EPB41L2: variants seen among roughly 807,000 people sequenced by gnomAD.
The protein encoded by EPB41L2 is band 4.1-like protein 2.
EPB41L2 carries 43 observed loss-of-function variants against 113.0 expected under a neutral mutation model. The observed-to-expected ratio is 0.38, with a 90% CI of 0.30 to 0.49. The LOEUF is 0.49. EPB41L2 is among the 20% of genes least tolerant of loss of function. The probability of loss-of-function intolerance (pLI) is 0.95; values close to 1 mark genes in which losing one functional copy is unlikely to be tolerated. For missense variants in EPB41L2, 1,147 were observed against 1,223.4 expected (o/e 0.94, Z 0.93); for synonymous variants, 442 against 436.7 (o/e 1.01, Z -0.15).
intron 1 of EPB41L2, among the ~76,000 whole-genome samples, chr6:131,029,229 CT>C (rs1435689075): frequency 2.0e-5 from 3 of 152,036 alleles, no homozygotes; most frequent in African/African-American, 7.2e-5. Context: ...AAATACAAGA[CT>C]TTGTCTCCTT....
rs1804895573 is a variant in EPB41L2, at chr6:130,926,793, GATTT to G, written c.706-88_706-85del. On this transcript the variant is annotated intron_variant, in intron 3 of 19. Coordinates refer to ENST00000337057, the MANE Select transcript of EPB41L2 (RefSeq NM_001431.4). ...ATTTAAGACATCATATCAGATACATGATTTATTATAAATTAACATTAAATATTTG... is the reference window on the plus strand; with the variant it reads ...ATTTAAGACATCATATCAGATACATGATTATAAATTAACATTAAATATTTG... The G allele has an allele frequency of 6.7e-6, 5 of 743,958 alleles. No homozygotes were observed. The Middle Eastern group carries it at 9.4e-4, about 140-fold the overall frequency. The allele number at this position is 743,958 out of a possible 1,614,324, so 46.1% of individuals were successfully genotyped here.
At chr6:130,896,913 G>A (rs1794837009) in intron 8 of EPB41L2, among the ~76,000 whole-genome samples, 1 of 152,070 alleles carries the variant, frequency 6.6e-6, no homozygotes, top group African/African-American at 2.4e-5. Flanking sequence ...GAAAGGAAAG[G>A]GAGGTCAGGG....
intron 1 of EPB41L2, among the ~76,000 whole-genome samples, chr6:131,023,342 C>T (rs554522446): frequency 6.6e-6 from 1 of 152,110 alleles, no homozygotes; most frequent in Non-Finnish European, 1.5e-5. Flanking sequence ...CTTCATCTTC[C>T]CTCCAAAATT....
chr6:130,886,890 C>T (rs1791195450), intron 11 of EPB41L2, among the ~76,000 whole-genome samples: 1 of 152,062 alleles, frequency 6.6e-6, no homozygotes. Flanking sequence ...TCCTTGGCCT[C>T]CTAAAGTGCT....
intron 1 of EPB41L2, among the ~76,000 whole-genome samples, chr6:131,043,408 T>C (rs1264072405): frequency 6.6e-6 from 1 of 152,040 alleles, no homozygotes; most frequent in Non-Finnish European, 1.5e-5. Context: ...AATGAAGTAT[T>C]AACAACAACA....
intron 4 of EPB41L2, among the ~76,000 whole-genome samples, chr6:130,914,832 T>C (rs1256445043): frequency 1.3e-5 from 2 of 152,182 alleles, no homozygotes; most frequent in African/African-American, 4.8e-5. Context: ...AGTATTCTCC[T>C]TACTTTCTCC....
At chr6:131,056,113 CAACT>C (rs759407846) in intron 1 of EPB41L2, among the ~76,000 whole-genome samples, 16 of 152,138 alleles carry the variant, frequency 1.1e-4, no homozygotes, top group Admixed American at 2.6e-4. Flanking sequence ...TTAATGTTGG[CAACT>C]AACAAGTTAA....
intron 4 of EPB41L2, among the ~76,000 whole-genome samples, chr6:130,920,792 G>A (rs1313548096): frequency 1.3e-5 from 2 of 152,102 alleles, no homozygotes. Context: ...TTACAGGTAT[G>A]AGCCACCATA....
chr6:130,934,432 T>C (rs142974609), intron 3 of EPB41L2, among the ~76,000 whole-genome samples: 1 of 152,146 alleles, frequency 6.6e-6, no homozygotes, highest in East Asian at 1.9e-4. Flanking sequence ...TACAAACATA[T>C]GCATGTAGAT....
chr6:130,913,889 T>C (rs1201535800), intron 4 of EPB41L2, among the ~76,000 whole-genome samples: 1 of 152,146 alleles, frequency 6.6e-6, no homozygotes, highest in African/African-American at 2.4e-5. Flanking sequence ...CACAAAAAGA[T>C]GGAAAATGCC....
chr6:130,931,297 G>A (rs893988160), intron 3 of EPB41L2, among the ~76,000 whole-genome samples: 3 of 151,860 alleles, frequency 2.0e-5, no homozygotes, highest in African/African-American at 4.8e-5. Context: ...GTTCTAACAC[G>A]CATTATTTTT....
chr6:130,910,067 C>T (rs988497877), intron 4 of EPB41L2, among the ~76,000 whole-genome samples: 1 of 152,156 alleles, frequency 6.6e-6, no homozygotes, highest in Non-Finnish European at 1.5e-5. Context: ...GCCCATATAG[C>T]CAAGACAATC....
intron 4 of EPB41L2, among the ~76,000 whole-genome samples, chr6:130,923,586 T>G (rs1177243648): frequency 6.6e-6 from 1 of 152,232 alleles, no homozygotes; most frequent in African/African-American, 2.4e-5. Flanking sequence ...CACTCACACA[T>G]GAGGTTTCTG....
chr6:130,852,548 T>A (rs1779075183), intron 19 of EPB41L2, among the ~76,000 whole-genome samples: 1 of 152,136 alleles, frequency 6.6e-6, no homozygotes, highest in Non-Finnish European at 1.5e-5. Flanking sequence ...GGTGCCAACA[T>A]CAACTCCCTG....
At chr6:130,966,282 C>T (rs1214966098) in intron 1 of EPB41L2, among the ~76,000 whole-genome samples, 5 of 152,162 alleles carry the variant, frequency 3.3e-5, no homozygotes, top group African/African-American at 1.2e-4. Flanking sequence ...ATTCATACAA[C>T]AAAATACTAT....
chr6:131,006,197 C>T (rs938199957), intron 1 of EPB41L2, among the ~76,000 whole-genome samples: 2 of 151,712 alleles, frequency 1.3e-5, no homozygotes, highest in African/African-American at 4.8e-5. Flanking sequence ...GCTGGGATTA[C>T]AGGCACCCAC....
In EPB41L2 at chr6:130,900,982, T is replaced by C. The variant is rs1265077500; in HGVS notation, c.1128A>G (p.Ala376=). The C allele has an allele frequency of 6.2e-7, 1 of 1,614,164 alleles. No individual in the cohort carries two copies. The highest frequency in any genetic ancestry group is 1.1e-5 in the South Asian group (1 of 91,084). Reference sequence around the variant, plus strand: ...CAGACCTGTGGGTTTTGTGCAGCTCTGCCACCTTCTCTTCCAGCTCCTTAG... The same window carrying C: ...CAGACCTGTGGGTTTTGTGCAGCTCCGCCACCTTCTCTTCCAGCTCCTTAG... ...TQTKELEEKV[A]ELHKTHRGLS... Residue 376 remains alanine, a synonymous_variant, in exon 7 of 20, where the codon GCA becomes GCG. Transcript: ENST00000337057.
At chr6:131,007,044 C>T (rs1011886293) in intron 1 of EPB41L2, among the ~76,000 whole-genome samples, 1 of 152,230 alleles carries the variant, frequency 6.6e-6, no homozygotes, top group African/African-American at 2.4e-5. Flanking sequence ...TTCAGATGTG[C>T]ACCCAAGCAG....
chr6:131,056,343 T>C (rs544012259), intron 1 of EPB41L2, among the ~76,000 whole-genome samples: 15 of 152,290 alleles, frequency 9.8e-5, no homozygotes, highest in Admixed American at 7.8e-4. Context: ...TCTGGCAACA[T>C]AACAAAAAAG....
Sources: gnomAD v4.1 joint callset for allele counts (sites outside exome capture counted in the v4.1 genomes callset) on GRCh38, gnomAD v4.1.1 for gene constraint, MANE v1.5 for transcripts, NCBI Gene and HGNC (gene_info 2026-07-23, HGNC 2026-07-21) for gene names.